Variants in RHPN2 observed in about 807,000 individuals in gnomAD.
The protein encoded by RHPN2 is rhophilin-2.
In RHPN2, 40 loss-of-function variants were observed where a neutral mutation model predicts 79.0. The ratio of observed to expected loss-of-function variants is 0.51; its 90% confidence interval spans 0.39 to 0.66. The LOEUF is 0.66. Ranked by LOEUF, RHPN2 falls within the 30% of genes least tolerant of loss-of-function variation. The pLI is 0.00. For missense variants in RHPN2, 686 were observed against 883.5 expected (o/e 0.78, Z 2.83); for synonymous variants, 285 against 363.5 (o/e 0.78, Z 2.46).
At position 33,064,853 on chromosome 19, in the gene RHPN2, G is replaced by A. The variant is rs994349071; in HGVS notation, c.-1C>T. On this transcript the variant is annotated 5_prime_UTR_variant, in exon 1 of 15. Transcript: ENST00000254260. ...CCGCGGGCAACAGCGCGTCGGTCAT[G>A]CTAGCGGCGCGGGCGCGGAGGGCGG... The A allele has an allele frequency of 1.3e-6, 2 of 1,505,532 alleles. No individual in the cohort carries two copies. The highest frequency in any genetic ancestry group is 1.8e-6 in the Non-Finnish European group (2 of 1,134,228). 93.3% of individuals were successfully genotyped at this position (1,505,532 alleles called of 1,614,324 possible). A position where few individuals can be genotyped will look rare whatever the true frequency, so the allele number is the denominator to read the frequency against.
rs1318907848 is a variant in RHPN2, at chr19:32,996,126, C to G, written c.1320G>C (p.Gln440His). ...GTTCCTGTGCGGCACACAGCACCTT[C>G]TGTAGCACCTCAATGCTCCGCAGCT... is the stretch of plus-strand genomic sequence containing the variant. ...CKKLRSIEVL[Q>H]KVLCAAQERS... Residue 440 changes from glutamine (Q) to histidine (H), a missense_variant, in exon 11 of 15, where the codon CAG becomes CAC. Coordinates refer to ENST00000254260, the MANE Select transcript of RHPN2 (RefSeq NM_033103.5). 6.2e-7 allele frequency: 1 copy of G among 1,614,156 alleles called. No individual in the cohort carries two copies. The highest frequency in any genetic ancestry group is 8.5e-7 in the Non-Finnish European group (1 of 1,179,994).
chr19:32,991,219 A>G, intron 13 of RHPN2: 1 of 186,378 alleles, frequency 5.4e-6, no homozygotes. Flanking sequence ...GCACTTTGGG[A>G]GGCCGAGGTA....
chr19:33,025,568 T>A (rs1311265345), intron 3 of RHPN2, among the ~76,000 whole-genome samples: 3 of 152,218 alleles, frequency 2.0e-5, no homozygotes, highest in African/African-American at 7.2e-5. Flanking sequence ...TCCCTCCAGC[T>A]AGGAAACAGA....
intron 2 of RHPN2, among the ~76,000 whole-genome samples, chr19:33,028,411 C>G (rs1333828448): frequency 6.6e-6 from 1 of 152,138 alleles, no homozygotes; most frequent in Non-Finnish European, 1.5e-5. Context: ...CCTGCCTCAG[C>G]CTCCGAAAGT....
At chr19:33,022,442 T>C (rs975634930) in intron 3 of RHPN2, among the ~76,000 whole-genome samples, 10 of 151,808 alleles carry the variant, frequency 6.6e-5, no homozygotes, top group Admixed American at 6.6e-4. Flanking sequence ...CATTTGCAAC[T>C]CTGGGTTCAT....
chr19:33,005,635 T>A (rs1375751702), intron 7 of RHPN2, among the ~76,000 whole-genome samples: 3 of 142,228 alleles, frequency 2.1e-5, no homozygotes, highest in Non-Finnish European at 4.6e-5. Context: ...AGCCCTGCCC[T>A]GCGGAGGGAT....
intron 3 of RHPN2, 100 bp downstream of exon 3, chr19:33,026,404 C>T: frequency 6.7e-7 from 1 of 1,496,834 alleles, no homozygotes; most frequent in Non-Finnish European, 9.2e-7. Flanking sequence ...GGCTGCCACA[C>T]CCCAGTCTAG....
At chr19:33,039,390 C>T (rs921689474) in intron 2 of RHPN2, among the ~76,000 whole-genome samples, 1 of 152,138 alleles carries the variant, frequency 6.6e-6, no homozygotes, top group Admixed American at 6.6e-5. Flanking sequence ...AAGTCACTCT[C>T]ATGACAGCCA....
At chr19:33,036,809 G>T (rs924195616) in intron 2 of RHPN2, among the ~76,000 whole-genome samples, 2 of 152,070 alleles carry the variant, frequency 1.3e-5, no homozygotes, top group African/African-American at 4.8e-5. Flanking sequence ...TCAATTTCTC[G>T]CCTGGCCTTA....
chr19:33,003,034 G>A lies in RHPN2; in HGVS notation c.761-34C>T. On this transcript the variant is annotated intron_variant, in intron 7 of 14. Coordinates refer to ENST00000254260, the MANE Select transcript of RHPN2 (RefSeq NM_033103.5). ...GGAAAATGTTTTGCCCATTAGTTCGGGTTCATATTTACTTCATCACGTTGC... is the reference window on the plus strand; with the variant it reads ...GGAAAATGTTTTGCCCATTAGTTCGAGTTCATATTTACTTCATCACGTTGC... 3.1e-6 allele frequency: 5 copies of A among 1,597,486 alleles called. No homozygotes were observed. The South Asian group carries it at 4.4e-5, about 14-fold the overall frequency.
In RHPN2 at chr19:33,056,053, T is replaced by C. The variant is rs1451566895; in HGVS notation, c.69+8731A>G. Among the ~76,000 whole-genome samples the C allele has an allele frequency of 2.6e-5, 4 of 151,810 alleles. No individual in the cohort carries two copies. In the East Asian group the frequency reaches 7.7e-4, roughly 29 times the overall value. On this transcript the variant is annotated intron_variant, in intron 1 of 14. Transcript: ENST00000254260. ...TTCATTTTGGGCCTTTCAATGGCCC[T>C]GGGGAAAGGCTTTCTCTAGTTTGTT...
intron 1 of RHPN2, among the ~76,000 whole-genome samples, chr19:33,052,714 C>T (rs57806852): frequency 0.13 from 19,103 of 152,184 alleles, 1,491 homozygotes; most frequent in Admixed American, 0.28. Context: ...TGTCCATGTC[C>T]ATAAAAATAA....
chr19:33,058,557 G>A (rs555320687), intron 1 of RHPN2, among the ~76,000 whole-genome samples: 4 of 152,266 alleles, frequency 2.6e-5, no homozygotes, highest in African/African-American at 9.6e-5. Flanking sequence ...CGAGGCAGGT[G>A]GATTACGCAG....
intron 4 of RHPN2, among the ~76,000 whole-genome samples, chr19:33,015,772 GGT>G (rs1362483844): frequency 6.6e-6 from 1 of 152,166 alleles, no homozygotes; most frequent in Non-Finnish European, 1.5e-5. Context: ...CAGACAGCCA[GGT>G]GTGGTGGCTC....
intron 6 of RHPN2, among the ~76,000 whole-genome samples, chr19:33,009,215 T>C (rs552014285): frequency 3.9e-5 from 6 of 152,022 alleles, no homozygotes; most frequent in African/African-American, 1.4e-4. Flanking sequence ...AGCCACAGAA[T>C]ACACAAGTGC....
intron 9 of RHPN2, among the ~76,000 whole-genome samples, chr19:33,000,810 T>G (rs765674451): frequency 6.6e-5 from 10 of 152,154 alleles, no homozygotes; most frequent in Non-Finnish European, 1.3e-4. Context: ...AAAGTTGAAC[T>G]CAAATGTCAC....
chr19:33,007,405 TGAA>T (rs1269332016), intron 7 of RHPN2, among the ~76,000 whole-genome samples: 1 of 151,934 alleles, frequency 6.6e-6, no homozygotes, highest in East Asian at 1.9e-4. Flanking sequence ...GAGAATTGCT[TGAA>T]ACCAGGAGGT....
Position 32,979,921 on chromosome 19 carries a change from C to A in RHPN2, c.*75G>T. 1 of 1,530,022 alleles carries A rather than the reference C, an allele frequency of 6.5e-7. No individual in the cohort carries two copies. The highest frequency in any genetic ancestry group is 9.1e-7 in the Non-Finnish European group (1 of 1,104,618). The allele number at this position is 1,530,022 out of a possible 1,614,324, so 94.8% of individuals were successfully genotyped here. On this transcript the variant is annotated 3_prime_UTR_variant, in exon 15 of 15. Coordinates refer to ENST00000254260, the MANE Select transcript of RHPN2 (RefSeq NM_033103.5). ...TTGAGAACAGATAGATAGATATTTTCCATTATGGCACAAACGTTTAAGGCC... is the reference window on the plus strand; with the variant it reads ...TTGAGAACAGATAGATAGATATTTTACATTATGGCACAAACGTTTAAGGCC...
Position 32,987,949 on chromosome 19 carries a change from G to A in RHPN2, c.1800+2565C>T, listed in dbSNP as rs137919490. Among the ~76,000 whole-genome samples, 242 of 152,242 alleles carry A rather than the reference G, an allele frequency of 1.6e-3. 2 individuals carry two copies. Among genetic ancestry groups the A allele is most frequent in the African/African-American group, 5.4e-3 (226 of 41,550 alleles). On this transcript the variant is annotated intron_variant, in intron 14 of 14. Transcript: ENST00000254260. ...TAATCCCAACACTTTGGGAGGCGGA[G>A]GTGGGAGGATCGCTTAAGGCCAGGA...
Sources: gnomAD v4.1 joint callset for allele counts (sites outside exome capture counted in the v4.1 genomes callset) on GRCh38, gnomAD v4.1.1 for gene constraint, MANE v1.5 for transcripts, NCBI Gene and HGNC (gene_info 2026-07-23, HGNC 2026-07-21) for gene names.